The following AGTPBP1 variants were observed in gnomAD, a reference collection of about 807,000 sequenced individuals.
AGTPBP1 encodes the protein cytosolic carboxypeptidase 1.
AGTPBP1 carries 70 observed loss-of-function variants against 143.9 expected under a neutral mutation model. The ratio of observed to expected loss-of-function variants is 0.49; its 90% CI spans 0.40 to 0.59. The LOEUF (loss-of-function observed/expected upper bound fraction) is 0.59. AGTPBP1 is among the 20% of genes least tolerant of loss of function. The pLI, the probability that AGTPBP1 is intolerant of heterozygous loss-of-function variation, is 0.00. For missense variants in AGTPBP1, 1,229 were observed against 1,464.5 expected (o/e 0.84, Z 2.62); for synonymous variants, 463 against 500.2 (o/e 0.93, Z 0.99).
At position 85,657,200 on chromosome 9, in the gene AGTPBP1, CA is replaced by C. The variant is rs772108835; in HGVS notation, c.909+234del. ...GTATAATAATAAAAAAAAAATAATA[CA>C]AAAAAAAAAAAAGAAAGAAAATTTC... On this transcript the variant is annotated intron_variant, in intron 10 of 25. Coordinates refer to ENST00000357081, the MANE Select transcript of AGTPBP1 (RefSeq NM_001330701.2). Among the ~76,000 whole-genome samples, 343 of 127,440 alleles carry C rather than the reference CA, an allele frequency of 2.7e-3. 1 individual carries two copies. The highest frequency in any genetic ancestry group is 7.9e-3 in the Middle Eastern group (2 of 254). The allele number at this position is 127,440 out of a possible 152,430, so 83.6% of individuals were successfully genotyped here. A position where few individuals can be genotyped will look rare whatever the true frequency, so the allele number is the denominator to read the frequency against.
At chr9:85,735,008 C>T (rs1839146438) in intron 1 of AGTPBP1, among the ~76,000 whole-genome samples, 1 of 152,104 alleles carries the variant, frequency 6.6e-6, no homozygotes, top group Non-Finnish European at 1.5e-5. Flanking sequence ...GCCCTCCAGC[C>T]TGGGCAACAC....
At chr9:85,714,626 C>T (rs1837584997) in intron 1 of AGTPBP1, among the ~76,000 whole-genome samples, 1 of 152,068 alleles carries the variant, frequency 6.6e-6, no homozygotes, top group Admixed American at 6.6e-5. Flanking sequence ...ATCATAATCT[C>T]ACACTGAAGA....
chr9:85,789,245 C>G, the AGTPBP1 span, among the ~76,000 whole-genome samples: 1 of 152,040 alleles, frequency 6.6e-6, no homozygotes, highest in Non-Finnish European at 1.5e-5. Context: ...TTCTGGAAAT[C>G]AACCTCTGGT....
intron 25 of AGTPBP1, among the ~76,000 whole-genome samples, chr9:85,556,043 G>C (rs1003942277): frequency 1.4e-4 from 21 of 152,086 alleles, no homozygotes; most frequent in Non-Finnish European, 2.6e-4. Context: ...ACTAGTCTTA[G>C]TACCCAGGCG....
chr9:85,629,270 G>T (rs1444699494), intron 14 of AGTPBP1, among the ~76,000 whole-genome samples: 1 of 152,226 alleles, frequency 6.6e-6, no homozygotes, highest in Non-Finnish European at 1.5e-5. Flanking sequence ...AAGTCCTACA[G>T]ATGCCCTAAT....
chr9:85,681,143 G>T (rs1177442410), intron 4 of AGTPBP1, 125 bp downstream of exon 4: 6 of 791,494 alleles, frequency 7.6e-6, no homozygotes, highest in Admixed American at 6.3e-5. Context: ...TTACATATAC[G>T]TGTGTGTGTA....
intron 3 of AGTPBP1, among the ~76,000 whole-genome samples, chr9:85,685,207 TGA>T (rs1023568379): frequency 2.0e-5 from 3 of 151,556 alleles, no homozygotes; most frequent in Non-Finnish European, 4.4e-5. Context: ...GAAAAAAAAC[TGA>T]GCAACCAAAA....
intron 20 of AGTPBP1, among the ~76,000 whole-genome samples, chr9:85,588,873 CCTGT>C (rs1290684850): frequency 6.6e-6 from 1 of 151,522 alleles, no homozygotes; most frequent in African/African-American, 2.4e-5. Flanking sequence ...TAATTTTAGC[CCTGT>C]CTTACAGTTG....
rs1240836618 is a variant in AGTPBP1 at position 85,678,743 on chromosome 9, T to C, written c.226-345A>G. Among the ~76,000 whole-genome samples the C allele has an allele frequency of 3.9e-5, 6 of 152,332 alleles. No homozygotes were observed. In the East Asian group the frequency reaches 1.2e-3, roughly 29 times the overall value. On this transcript the variant is annotated intron_variant, in intron 4 of 25. Transcript: ENST00000357081. ...TGACTACTCAATCACTTAGCTGCCC[T>C]CTCAGAAGGCAATCACGTTATCAAT... is the stretch of plus-strand genomic sequence containing the variant.
intron 2 of AGTPBP1, among the ~76,000 whole-genome samples, chr9:85,706,509 C>CAAA (rs781239393): frequency 6.4e-5 from 4 of 62,264 alleles, no homozygotes; most frequent in African/African-American, 1.1e-4. Context: ...GACTCTGTCT[C>CAAA]AAAAAAAAAA....
chr9:85,658,804 A>G lies in AGTPBP1; in HGVS notation c.701-1161T>C, dbSNP rs1033208164. ...AGAAGACACTCACTAGAGCTACGGA[A>G]AAGATTTCTTATGTGAAGGCTTTAA... On this transcript the variant is annotated intron_variant, in intron 9 of 25. Coordinates refer to ENST00000357081, the MANE Select transcript of AGTPBP1 (RefSeq NM_001330701.2). Among the ~76,000 whole-genome samples, 5 of 152,158 alleles carry G rather than the reference A, an allele frequency of 3.3e-5. No homozygotes were observed. In the East Asian group the frequency reaches 7.7e-4, roughly 23 times the overall value.
chr9:85,715,999 A>T (rs976854458), intron 1 of AGTPBP1, among the ~76,000 whole-genome samples: 3 of 152,096 alleles, frequency 2.0e-5, no homozygotes, highest in African/African-American at 7.3e-5. Flanking sequence ...TCTCGCTCCC[A>T]ATTCAGCTAC....
chr9:85,593,171 G>T (rs1829080980), intron 18 of AGTPBP1, among the ~76,000 whole-genome samples: 1 of 152,108 alleles, frequency 6.6e-6, no homozygotes, highest in Non-Finnish European at 1.5e-5. Context: ...GGAATTCATT[G>T]CACCACCTAT....
chr9:85,632,437 G>T (rs1831738949), intron 14 of AGTPBP1, among the ~76,000 whole-genome samples: 1 of 152,102 alleles, frequency 6.6e-6, no homozygotes, highest in Non-Finnish European at 1.5e-5. Flanking sequence ...CAATGGTCAG[G>T]TTTATCATTC....
At chr9:85,692,519 C>T (rs547757279) in intron 3 of AGTPBP1, among the ~76,000 whole-genome samples, 170 bp downstream of exon 3, 3 of 152,152 alleles carry the variant, frequency 2.0e-5, no homozygotes, top group South Asian at 2.1e-4. Context: ...CATGATCTGC[C>T]CACCTTGGCC....
At chr9:85,704,418 T>C (rs1015445164) in intron 2 of AGTPBP1, among the ~76,000 whole-genome samples, 13 of 152,176 alleles carry the variant, frequency 8.5e-5, no homozygotes, top group African/African-American at 2.7e-4. Context: ...GTAATACTGC[T>C]AGGTAATCAC....
chr9:85,719,966 T>C (rs1012041359), intron 1 of AGTPBP1, among the ~76,000 whole-genome samples: 1 of 152,222 alleles, frequency 6.6e-6, no homozygotes, highest in Admixed American at 6.5e-5. Flanking sequence ...ATTATGTTTA[T>C]TGATTTGCGT....
chr9:85,759,188 C>A, the AGTPBP1 span, among the ~76,000 whole-genome samples: 2 of 152,164 alleles, frequency 1.3e-5, no homozygotes, highest in African/African-American at 4.8e-5. Context: ...TTTAACACCC[C>A]ACTGTCAATA....
chr9:85,587,472 T>C (rs868666304), intron 21 of AGTPBP1, among the ~76,000 whole-genome samples: 1 of 152,124 alleles, frequency 6.6e-6, no homozygotes, highest in Middle Eastern at 3.2e-3. Context: ...AAAGCTATCA[T>C]GCAAATAAGC....
Sources: allele counts gnomAD v4.1 joint callset (sites outside exome capture counted in the v4.1 genomes callset), GRCh38; gene constraint gnomAD v4.1.1; transcripts MANE v1.5; gene names NCBI Gene and HGNC (gene_info 2026-07-23, HGNC 2026-07-21).